Variants in PPFIA4 observed in about 807,000 individuals in gnomAD.
PPFIA4 encodes the protein liprin-alpha-4.
PPFIA4 carries 98 observed loss-of-function variants against 145.7 expected under a neutral mutation model. That is an observed-to-expected ratio of 0.67 (90% CI 0.57 to 0.80). The LOEUF is 0.80. Among genes scored for constraint, PPFIA4 ranks in the 30% least tolerant of loss-of-function variants. The pLI is 0.00. For synonymous variants in PPFIA4, 628 were observed against 649.6 expected (o/e 0.97, Z 0.51); for missense variants, 1,457 against 1,632.7 (o/e 0.89, Z 1.85).
intron 25 of PPFIA4, among the ~76,000 whole-genome samples, chr1:203,066,303 A>G (rs1661726147): frequency 6.6e-6 from 1 of 152,230 alleles, no homozygotes; most frequent in East Asian, 1.9e-4. Flanking sequence ...TGGAAGTGGC[A>G]TCTCTGAGCT....
chr1:203,056,458 G>T lies in PPFIA4; in HGVS notation c.2190G>T (p.Leu730=). 1 of 1,613,996 alleles carries T rather than the reference G, an allele frequency of 6.2e-7. No individual in the cohort carries two copies. The highest frequency in any genetic ancestry group is 1.1e-5 in the South Asian group (1 of 91,082). The part of the protein sequence containing the change: ...ETSPPSSPRT[L]RLEKLGHPAL... Reference sequence around the variant, plus strand: ...CTCCTCCTTCCTCACCCAGGACGCTGCGGCTAGAGAAGCTTGGCCACCCAG... The same window carrying T: ...CTCCTCCTTCCTCACCCAGGACGCTTCGGCTAGAGAAGCTTGGCCACCCAG... The change falls in exon 18 of 30, where the codon CTG becomes CTT. Residue 730 remains leucine, a synonymous_variant. Transcript: ENST00000295706.
intron 19 of PPFIA4, among the ~76,000 whole-genome samples, chr1:203,057,900 T>TC (rs11408992): frequency 0.062 from 9,471 of 152,062 alleles, 952 homozygotes; most frequent in African/African-American, 0.22. Context: ...GGGGTTGGTC[T>TC]GGGAAAGGCA....
rs199570318 is a variant in PPFIA4 at position 203,055,968 on chromosome 1, C to CT, written c.2071-138dup. On this transcript the variant is annotated intron_variant, in intron 16 of 29. Transcript: ENST00000295706. This position sits in a 1 kb window ranked among gnomAD's most constrained non-coding sequence, Gnocchi z 4.8. ...GCCCTGGCTTGTTTTTCTAGGCCAG[C>CT]TTTTTTTTTTTTTTCTGGCGTGATA... 6.6e-3 allele frequency among the ~76,000 whole-genome samples: 959 copies of CT among 145,866 alleles called. 5 individuals carry two copies. Among genetic ancestry groups the CT allele is most frequent in the African/African-American group, 0.016 (647 of 39,814 alleles).
Position 203,055,738 on chromosome 1 carries a change from T to A in PPFIA4, c.2070+66T>A. 1.9e-6 allele frequency: 3 copies of A among 1,598,026 alleles called. No homozygotes were observed. The highest frequency in any genetic ancestry group is 2.6e-6 in the Non-Finnish European group (3 of 1,169,818). On this transcript the variant is annotated intron_variant, in intron 16 of 29. Coordinates refer to ENST00000295706, the MANE Select transcript of PPFIA4 (RefSeq NM_001304331.2). The surrounding 1 kb of genome is among the most constrained non-coding windows in gnomAD (Gnocchi z 4.8). ...CTGCACCGGGGGAGGTTTTAAGGGA[T>A]GGTAGGACTCACGTGCTCTCAGCTG...
At chr1:203,046,487 C>A in intron 9 of PPFIA4, 105 bp downstream of exon 9, 3 of 1,350,494 alleles carry the variant, frequency 2.2e-6, no homozygotes, top group Non-Finnish European at 3.0e-6. Context: ...GGGCCAGGAG[C>A]CAGAAAACTG....
At chr1:203,034,210 A>G (rs1659048846) in intron 1 of PPFIA4, among the ~76,000 whole-genome samples, 1 of 152,200 alleles carries the variant, frequency 6.6e-6, no homozygotes, top group Non-Finnish European at 1.5e-5. Context: ...AAGGTGATCT[A>G]AGCTCATGAG....
At chr1:203,070,995 C>G (rs1662115797) in intron 27 of PPFIA4, among the ~76,000 whole-genome samples, 1 of 151,566 alleles carries the variant, frequency 6.6e-6, no homozygotes, top group Admixed American at 6.6e-5. Flanking sequence ...GTTCTATCAC[C>G]CGATCTGGAG....
At chr1:203,061,560 C>A in intron 23 of PPFIA4, 92 bp from the exon 24 acceptor site, 2 of 1,354,474 alleles carry the variant, frequency 1.5e-6, no homozygotes, top group South Asian at 2.9e-5. Context: ...ACTGGGATGT[C>A]TTTTTCCTCT....
At chr1:203,063,678 A>T in intron 24 of PPFIA4, 150 bp from the exon 25 acceptor site, 1 of 696,428 alleles carries the variant, frequency 1.4e-6, no homozygotes, top group South Asian at 1.8e-5. Context: ...CAGCCCCCTT[A>T]TTGAAGATAA....
At chr1:203,035,761 C>T (rs555636072) in intron 1 of PPFIA4, 28 of 425,614 alleles carry the variant, frequency 6.6e-5, no homozygotes, top group South Asian at 3.0e-4. Flanking sequence ...AGGTGCCCCA[C>T]GTGGCTGTCC....
rs370760781 is a variant in PPFIA4, at chr1:203,063,969, C to T, written c.3016C>T (p.Arg1006Trp). 1.4e-5 allele frequency: 23 copies of T among 1,613,852 alleles called. No individual in the cohort carries two copies. The highest frequency in any genetic ancestry group is 1.1e-4 in the East Asian group (5 of 44,880). Residue 1006 changes from arginine to tryptophan, a missense_variant, in exon 25 of 30, where the codon CGG becomes TGG. This residue lies in a region of PPFIA4 where 848 missense variants were observed against 1,046.7 expected (regional missense o/e 0.81). Transcript: ENST00000295706. ...MLDHLTKKDL[R>W]VHLKMVDSFH... ...GGACCACCTCACCAAGAAGGACCTG[C>T]GGGTCCACCTGAAGATGGTGGACAG...
In PPFIA4 at chr1:203,071,711, G is replaced by A; in HGVS notation, c.3344G>A (p.Arg1115Lys). The A allele has an allele frequency of 6.2e-7, 1 of 1,612,990 alleles. No homozygotes were observed. ...CTGCAGGCACGCCAAGTGATGGAAA[G>A]AGAGTTCAATAACCTGTTGGCCTTG... ...QNTQARQVME[R>K]EFNNLLALGT... Residue 1115 changes from arginine (R) to lysine (K), a missense_variant, in exon 28 of 30, where the codon AGA becomes AAA. Around this residue, in one of 3 missense-constraint regions of PPFIA4, gnomAD observed 848 missense variants for 1,046.7 expected, o/e 0.81. Coordinates refer to ENST00000295706, the MANE Select transcript of PPFIA4 (RefSeq NM_001304331.2).
At position 203,059,033 on chromosome 1, in the gene PPFIA4, C is replaced by T; in HGVS notation, c.2408-145C>T. ...ACTGCTTGGATGCAGGGACACTGAG[C>T]AGAAGCTCCAGGAATAATGGTCCCG... is the stretch of plus-strand genomic sequence containing the variant. On this transcript the variant is annotated intron_variant, in intron 19 of 29. Coordinates refer to ENST00000295706, the MANE Select transcript of PPFIA4 (RefSeq NM_001304331.2). The T allele has an allele frequency of 6.1e-6, 4 of 651,064 alleles. No homozygotes were observed. The South Asian group carries it at 7.6e-5, about 12-fold the overall frequency. 40.3% of individuals were successfully genotyped at this position (651,064 alleles called of 1,614,324 possible). A position where few individuals can be genotyped will look rare whatever the true frequency, so the allele number is the denominator to read the frequency against.
intron 6 of PPFIA4, 71 bp from the exon 7 acceptor site, chr1:203,045,297 C>A: frequency 7.3e-7 from 1 of 1,370,192 alleles, no homozygotes. Flanking sequence ...CTCCTTCCAC[C>A]CCTGGGATAG....
At chr1:203,039,335 C>A in intron 2 of PPFIA4, 93 bp downstream of exon 2, 1 of 915,146 alleles carries the variant, frequency 1.1e-6, no homozygotes, top group Non-Finnish European at 1.6e-6. Flanking sequence ...CATCTATTTG[C>A]ATATCAATAA....
At chr1:203,050,780 T>C (rs1660450655) in intron 13 of PPFIA4, among the ~76,000 whole-genome samples, 1 of 152,058 alleles carries the variant, frequency 6.6e-6, no homozygotes, top group African/African-American at 2.4e-5. Flanking sequence ...GCAACAGTAG[T>C]TGGCATTTCT....
At chr1:203,046,457 G>C in intron 9 of PPFIA4, 75 bp downstream of exon 9, 2 of 1,478,234 alleles carry the variant, frequency 1.4e-6, no homozygotes, top group South Asian at 2.7e-5. Flanking sequence ...GCAGGGAAGG[G>C]AGCGCGTGGG....
chr1:203,033,947 C>T (rs1558061963), intron 1 of PPFIA4, among the ~76,000 whole-genome samples: 1 of 152,184 alleles, frequency 6.6e-6, no homozygotes, highest in African/African-American at 2.4e-5. Flanking sequence ...AGTTCCCCTT[C>T]TTTGAAGTCA....
chr1:203,028,497 G>C (rs1658580086), intron 1 of PPFIA4, among the ~76,000 whole-genome samples: 1 of 152,096 alleles, frequency 6.6e-6, no homozygotes, highest in Non-Finnish European at 1.5e-5. Flanking sequence ...TGGGGAGCTG[G>C]GTGTTAAGGG....
Sources: gnomAD v4.1 joint callset for allele counts (sites outside exome capture counted in the v4.1 genomes callset) on GRCh38, gnomAD v4.1.1 for gene constraint, gnomAD v4.1.1 regional missense constraint, Gnocchi (gnomAD v3.1) non-coding constraint, MANE v1.5 for transcripts, NCBI Gene and HGNC (gene_info 2026-07-23, HGNC 2026-07-21) for gene names.